Variants in MMS19 observed in about 807,000 individuals in gnomAD.
The protein encoded by MMS19 is MMS19 nucleotide excision repair protein homolog.
In MMS19, 77 loss-of-function variants were observed where a neutral mutation model predicts 129.8. The observed-to-expected ratio is 0.59, with a 90% CI of 0.49 to 0.72. MMS19 has a LOEUF of 0.72. MMS19 is among the 30% of genes least tolerant of loss of function. The pLI, the probability that MMS19 is intolerant of heterozygous loss-of-function variation, is 0.00. For synonymous variants in MMS19, 491 were observed against 502.8 expected (o/e 0.98, Z 0.31); for missense variants, 1,168 against 1,266.3 (o/e 0.92, Z 1.18).
chr10:97,486,377 C>T (rs947349313), intron 1 of MMS19, among the ~76,000 whole-genome samples: 4 of 151,940 alleles, frequency 2.6e-5, no homozygotes, highest in African/African-American at 7.3e-5. Flanking sequence ...GATGGGGTTT[C>T]GCCATGTTGG....
In MMS19 at chr10:97,460,638, G is replaced by A. The variant is rs567769755; in HGVS notation, c.2469+57C>T. 9.6e-5 allele frequency: 136 copies of A among 1,414,474 alleles called. 2 individuals are homozygous for A. In the South Asian group the frequency reaches 1.6e-3, roughly 17 times the overall value. The allele number at this position is 1,414,474 out of a possible 1,614,324, so 87.6% of individuals were successfully genotyped here. On this transcript the variant is annotated intron_variant, in intron 25 of 30. Coordinates refer to ENST00000438925, the MANE Select transcript of MMS19 (RefSeq NM_022362.5). ...GGATGGAAGTCCTTGGGAGGAATAGGAGCAACCAGAAAGTTTGTTTAGGTC... is the reference window on the plus strand; with the variant it reads ...GGATGGAAGTCCTTGGGAGGAATAGAAGCAACCAGAAAGTTTGTTTAGGTC...
At chr10:97,493,573 A>T (rs2039307292) in intron 1 of MMS19, among the ~76,000 whole-genome samples, 1 of 152,194 alleles carries the variant, frequency 6.6e-6, no homozygotes. Flanking sequence ...TAAATAAAAC[A>T]ATCACAGTGT....
At chr10:97,477,977 G>T in intron 4 of MMS19, 48 bp from the exon 5 acceptor site, 2 of 1,312,850 alleles carry the variant, frequency 1.5e-6, no homozygotes, top group Non-Finnish European at 2.1e-6. Flanking sequence ...TTGCAGCATG[G>T]CCTCCAAGAC....
chr10:97,487,373 C>A (rs958993575), intron 1 of MMS19, among the ~76,000 whole-genome samples: 2 of 144,242 alleles, frequency 1.4e-5, no homozygotes, highest in African/African-American at 2.6e-5. Context: ...GGCCAGAGTG[C>A]GGTGGCGCGA....
At chr10:97,468,187 C>T (rs1015654683) in intron 13 of MMS19, 65 bp downstream of exon 13, 3 of 1,449,032 alleles carry the variant, frequency 2.1e-6, no homozygotes, top group Non-Finnish European at 2.8e-6. Flanking sequence ...ACTTAGCTCA[C>T]TCTCTGAGAA....
At chr10:97,469,261 G>A (rs554845381) in intron 11 of MMS19, 157 bp from the exon 12 acceptor site, 4 of 531,524 alleles carry the variant, frequency 7.5e-6, no homozygotes, top group African/African-American at 4.1e-5. Context: ...CAATTGGTGT[G>A]TTCTTACCAA....
At chr10:97,483,068 T>G (rs530242136) in intron 2 of MMS19, among the ~76,000 whole-genome samples, 2 of 152,036 alleles carry the variant, frequency 1.3e-5, no homozygotes, top group South Asian at 4.2e-4. Context: ...CCTATATATA[T>G]TTTTTGATGG....
chr10:97,467,494 G>A lies in MMS19; in HGVS notation c.1297+11C>T, dbSNP rs1055777676. ...CAGTCCCCAGAGCACTGCAATGGAA[G>A]GCAACCTCACCTTTGTCTTCATAGC... On this transcript the variant is annotated intron_variant, in intron 14 of 30. Transcript: ENST00000438925. The A allele has an allele frequency of 3.7e-6, 6 of 1,609,794 alleles. No homozygotes were observed. In the African/African-American group the frequency reaches 5.3e-5, roughly 14 times the overall value.
rs2033979853 is a variant in MMS19, at chr10:97,468,425, A to G, written c.1064-19T>C. On this transcript the variant is annotated intron_variant, in intron 12 of 30. Coordinates refer to ENST00000438925, the MANE Select transcript of MMS19 (RefSeq NM_022362.5). ...CTGCAGTCTAGAGAAGCAGCACATC[A>G]CAGAGCTGGGGAGGAGGCCAAATGG... 1 of 1,583,760 alleles carries G rather than the reference A, an allele frequency of 6.3e-7. No homozygotes were observed. Among genetic ancestry groups the G allele is most frequent in the Admixed American group, 1.7e-5 (1 of 58,208 alleles).
At chr10:97,488,633 C>T (rs143310422) in intron 1 of MMS19, among the ~76,000 whole-genome samples, 23 of 152,290 alleles carry the variant, frequency 1.5e-4, no homozygotes, top group East Asian at 3.9e-4. Flanking sequence ...CTAAGTGCTA[C>T]GCAAATAGTT....
intron 2 of MMS19, among the ~76,000 whole-genome samples, chr10:97,482,474 T>C (rs1231781762): frequency 6.6e-6 from 1 of 151,790 alleles, no homozygotes; most frequent in Non-Finnish European, 1.5e-5. Flanking sequence ...ATTTCCAGAG[T>C]AGGCAAAGCC....
At chr10:97,498,160 G>C (rs2040145623) in intron 1 of MMS19, 113 bp downstream of exon 1, 1 of 1,013,132 alleles carries the variant, frequency 9.9e-7, no homozygotes, top group Non-Finnish European at 1.4e-6. Flanking sequence ...AACCAGCCTT[G>C]AGACCAATCT....
intron 29 of MMS19, 48 bp downstream of exon 29, chr10:97,459,175 G>A: frequency 6.4e-7 from 1 of 1,568,550 alleles, no homozygotes. Flanking sequence ...GTACTTATGT[G>A]TCTCTTGAGA....
At chr10:97,495,474 T>C (rs984827932) in intron 1 of MMS19, among the ~76,000 whole-genome samples, 19 of 152,222 alleles carry the variant, frequency 1.2e-4, no homozygotes, top group African/African-American at 4.6e-4. Flanking sequence ...AGCTGGTCCC[T>C]TTAGCGCTAA....
chr10:97,476,100 T>C (rs991350473), intron 8 of MMS19, among the ~76,000 whole-genome samples: 5 of 152,188 alleles, frequency 3.3e-5, no homozygotes, highest in African/African-American at 1.2e-4. Context: ...ATGAAACTCT[T>C]GAGTATTTGG....
intron 1 of MMS19, among the ~76,000 whole-genome samples, chr10:97,496,960 T>C (rs2039914017): frequency 6.6e-6 from 1 of 152,214 alleles, no homozygotes; most frequent in African/African-American, 2.4e-5. Flanking sequence ...ATAAAATTCT[T>C]TATACTTGGC....
chr10:97,459,443 T>C lies in MMS19; in HGVS notation c.2823A>G (p.Leu941=), dbSNP rs2031023062. 6.2e-7 allele frequency: 1 copy of C among 1,611,112 alleles called. No individual in the cohort carries two copies. Among genetic ancestry groups the C allele is most frequent in the Non-Finnish European group, 8.5e-7 (1 of 1,178,754 alleles). The stretch of plus-strand genomic sequence containing the variant: ...GACTCATGACTTGGGGTGCTTCCAG[T>C]AGAAGAGGCTGAAGGCAGCTGAGGG... ...LSTLSCLQPL[L]LEAPQVMSLH... The change falls in exon 28 of 31, where the codon CTA becomes CTG. Residue 941 remains leucine, a synonymous_variant. Coordinates refer to ENST00000438925, the MANE Select transcript of MMS19 (RefSeq NM_022362.5).
intron 9 of MMS19, among the ~76,000 whole-genome samples, 165 bp downstream of exon 9, chr10:97,470,608 TAA>T (rs977297401): frequency 6.6e-6 from 1 of 152,072 alleles, no homozygotes; most frequent in African/African-American, 2.4e-5. Context: ...GAAGAGATGG[TAA>T]AGTTTTCTAC....
rs375065613 is a variant in MMS19 at position 97,472,215 on chromosome 10, A to G, written c.685-1354T>C. ...AAACAGAAGAAATTCAGACTTCTCC[A>G]CAGCAAATGAAAACTAGATAACTAG... On this transcript the variant is annotated intron_variant, in intron 8 of 30. Transcript: ENST00000438925. Among the ~76,000 whole-genome samples the G allele has an allele frequency of 4.6e-5, 7 of 152,372 alleles. 1 individual carries two copies. The East Asian group carries it at 1.3e-3, about 29-fold the overall frequency.
Sources: allele counts gnomAD v4.1 joint callset (sites outside exome capture counted in the v4.1 genomes callset), GRCh38; gene constraint gnomAD v4.1.1; transcripts MANE v1.5; gene names NCBI Gene and HGNC (gene_info 2026-07-23, HGNC 2026-07-21).